Variants in CYP2C19 observed in about 807,000 individuals in gnomAD.
The protein encoded by CYP2C19 is cytochrome P450 family 2 subfamily C member 19.
In CYP2C19, 59 loss-of-function variants were observed where a neutral mutation model predicts 40.9. That is an observed-to-expected ratio of 1.44 (90% CI 1.17 to 1.79). The LOEUF (loss-of-function observed/expected upper bound fraction) is 1.79, where lower values mean the gene tolerates loss of function less well. Ranked by LOEUF, CYP2C19 falls within the 40% of genes most tolerant of loss-of-function variation. The pLI is 0.00. For missense variants in CYP2C19, 754 were observed against 596.9 expected, an observed-to-expected ratio of 1.26 and a Z score of -2.74; for synonymous variants, 253 against 208.7, an observed-to-expected ratio of 1.21 and a Z score of -1.83.
At chr10:94,829,506 A>C (rs369145528) in intron 6 of CYP2C19, among the ~76,000 whole-genome samples, 21 of 152,074 alleles carry the variant, frequency 1.4e-4, no homozygotes, top group African/African-American at 4.8e-4. Flanking sequence ...TCAGCTCCAT[A>C]AGCTCCTTTA....
Position 94,854,241 on chromosome 10 carries a change from A to T in CYP2C19, c.*1327A>T, listed in dbSNP as rs1482602752. 2.7e-5 allele frequency among the ~76,000 whole-genome samples: 4 copies of T among 149,370 alleles called. No homozygotes were observed. The highest frequency in any genetic ancestry group is 5.9e-5 in the Non-Finnish European group (4 of 67,336). ...ACTATGTGGGCCAGGCTAGTCTTGAACTCCTGACCTCAAGTGATCCACCCA... is the reference window on the plus strand; with the variant it reads ...ACTATGTGGGCCAGGCTAGTCTTGATCTCCTGACCTCAAGTGATCCACCCA... On this transcript the variant is annotated 3_prime_UTR_variant, in exon 9 of 9. Coordinates refer to ENST00000371321, the MANE Select transcript of CYP2C19 (RefSeq NM_000769.4).
At chr10:94,795,250 G>A (rs189396528) in intron 5 of CYP2C19, among the ~76,000 whole-genome samples, 25 of 146,528 alleles carry the variant, frequency 1.7e-4, no homozygotes, top group Non-Finnish European at 2.8e-4. Context: ...GAGAACATAC[G>A]GTGTTTGGTT....
At chr10:94,814,161 A>T (rs1251928558) in intron 5 of CYP2C19, among the ~76,000 whole-genome samples, 1 of 150,768 alleles carries the variant, frequency 6.6e-6, no homozygotes, top group Non-Finnish European at 1.5e-5. Context: ...CCTCAGTTGG[A>T]AATGCAGAAA....
intron 5 of CYP2C19, among the ~76,000 whole-genome samples, chr10:94,796,977 C>G (rs1014990294): frequency 2.0e-5 from 3 of 152,058 alleles, no homozygotes; most frequent in African/African-American, 7.2e-5. Flanking sequence ...ATTGATTACC[C>G]TTAATTTCTT....
chr10:94,791,300 G>A (rs1376149320), intron 5 of CYP2C19, among the ~76,000 whole-genome samples: 2 of 151,688 alleles, frequency 1.3e-5, no homozygotes, highest in African/African-American at 2.4e-5. Flanking sequence ...CAATTTTGTT[G>A]ATCTTTTCAA....
At chr10:94,807,342 C>T (rs1393695059) in intron 5 of CYP2C19, among the ~76,000 whole-genome samples, 1 of 151,988 alleles carries the variant, frequency 6.6e-6, no homozygotes, top group Non-Finnish European at 1.5e-5. Context: ...GTGAATAGTG[C>T]TTTAAGTAAA....
In CYP2C19 at chr10:94,811,303, A is replaced by G. The variant is rs564693178; in HGVS notation, c.820-9193A>G. ...GCTGATGGGTGTTTTACTTCCAATT[A>G]TGTGGTCAATTTTAGAATAAGTGTG... On this transcript the variant is annotated intron_variant, in intron 5 of 8. Coordinates refer to ENST00000371321, the MANE Select transcript of CYP2C19 (RefSeq NM_000769.4). Among the ~76,000 whole-genome samples the G allele has an allele frequency of 2.4e-4, 36 of 152,238 alleles. 1 individual carries two copies. Among genetic ancestry groups the G allele is most frequent in the Admixed American group, 1.6e-3 (25 of 15,290 alleles).
chr10:94,829,269 G>T (rs1226469795), intron 6 of CYP2C19, among the ~76,000 whole-genome samples: 1 of 152,166 alleles, frequency 6.6e-6, no homozygotes, highest in African/African-American at 2.4e-5. Context: ...TTTCCAACTT[G>T]TTTCCATTCT....
At chr10:94,769,837 C>T (rs1000026535) in intron 1 of CYP2C19, among the ~76,000 whole-genome samples, 13 of 152,086 alleles carry the variant, frequency 8.5e-5, no homozygotes, top group Non-Finnish European at 1.6e-4. Flanking sequence ...ATTCCCTCCT[C>T]AAGTAGGGGA....
At chr10:94,801,613 A>C (rs760124746) in intron 5 of CYP2C19, among the ~76,000 whole-genome samples, 1 of 152,156 alleles carries the variant, frequency 6.6e-6, no homozygotes, top group African/African-American at 2.4e-5. Flanking sequence ...AGGTCCACTT[A>C]GTCCAGAGCT....
chr10:94,843,159 G>A (rs768090430), intron 7 of CYP2C19, 135 bp downstream of exon 7: 55 of 1,062,932 alleles, frequency 5.2e-5, no homozygotes, highest in Non-Finnish European at 6.9e-5. Context: ...TGGACTTTCT[G>A]TTGATTCCAG....
chr10:94,852,755 G>A lies in CYP2C19; in HGVS notation c.1314G>A (p.Glu438=). 1.9e-6 allele frequency: 3 copies of A among 1,613,968 alleles called. No homozygotes were observed. Among genetic ancestry groups the A allele is most frequent in the Middle Eastern group, 1.7e-4 (1 of 6,018 alleles). ...FSAGKRICVG[E]GLARMELFLF... is the part of the protein sequence containing the mutation. ...CAGGAAAACGGATTTGTGTGGGAGA[G>A]GGCCTGGCCCGCATGGAGCTGTTTT... Residue 438 remains glutamate, a synonymous_variant, in exon 9 of 9, where the codon GAG becomes GAA. Coordinates refer to ENST00000371321, the MANE Select transcript of CYP2C19 (RefSeq NM_000769.4).
Position 94,855,208 on chromosome 10 carries a change from A to T in CYP2C19, c.*2294A>T, listed in dbSNP as rs1226372182. ...AGACCCTTGTGATTACATGAAACCCACCAGTGTAATCTCTTCATGTCCAGA... is the reference window on the plus strand; with the variant it reads ...AGACCCTTGTGATTACATGAAACCCTCCAGTGTAATCTCTTCATGTCCAGA... On this transcript the variant is annotated 3_prime_UTR_variant, in exon 9 of 9. Transcript: ENST00000371321. Among the ~76,000 whole-genome samples, 1 of 152,138 alleles carries T rather than the reference A, an allele frequency of 6.6e-6. No homozygotes were observed. The highest frequency in any genetic ancestry group is 1.5e-5 in the Non-Finnish European group (1 of 68,026).
chr10:94,806,863 A>G (rs370669200), intron 5 of CYP2C19, among the ~76,000 whole-genome samples: 1 of 151,878 alleles, frequency 6.6e-6, no homozygotes, highest in Non-Finnish European at 1.5e-5. Context: ...TAGCATATCT[A>G]TAACCTCAAG....
At chr10:94,769,459 T>G (rs1199538534) in intron 1 of CYP2C19, among the ~76,000 whole-genome samples, 1 of 152,150 alleles carries the variant, frequency 6.6e-6, no homozygotes, top group Non-Finnish European at 1.5e-5. Context: ...AAGGCATCCT[T>G]GAGGTCCAGA....
At chr10:94,818,690 TTGTC>T (rs1429747292) in intron 5 of CYP2C19, among the ~76,000 whole-genome samples, 1 of 146,394 alleles carries the variant, frequency 6.8e-6, no homozygotes, top group African/African-American at 2.5e-5. Context: ...GGCTCTCTGT[TTGTC>T]TGTTGTTGGT....
intron 6 of CYP2C19, among the ~76,000 whole-genome samples, chr10:94,842,111 G>A (rs1222376475): frequency 6.6e-6 from 1 of 152,160 alleles, no homozygotes; most frequent in Non-Finnish European, 1.5e-5. Flanking sequence ...AGCTATTATT[G>A]TATTGGGGCC....
Position 94,852,837 on chromosome 10 carries a change from G to A in CYP2C19, c.1396G>A (p.Asp466Asn), listed in dbSNP as rs201302485. 7 of 1,614,026 alleles carry A rather than the reference G, an allele frequency of 4.3e-6. No individual in the cohort carries two copies. The highest frequency in any genetic ancestry group is 5.9e-6 in the Non-Finnish European group (7 of 1,179,974). The change falls in exon 9 of 9, where the codon GAC (aspartate) becomes AAC (asparagine). Residue 466 changes from aspartate to asparagine, a missense_variant. Transcript: ENST00000371321. ...FNLKSLIDPK[D>N]LDTTPVVNGF... ...CCTGAAATCTCTGATTGACCCAAAG[G>A]ACCTTGACACAACTCCTGTTGTCAA... is the stretch of plus-strand genomic sequence containing the variant.
rs945712113 is a variant in CYP2C19, at chr10:94,780,524, C to A, written c.507C>A (p.Ile169=). ...TKASPCDPTF[I]LGCAPCNVIC... is the part of the protein sequence containing the mutation. ...CTTCACCCTGTGATCCCACTTTCATCCTGGGCTGTGCTCCCTGCAATGTGA... is the reference window on the plus strand; with the variant it reads ...CTTCACCCTGTGATCCCACTTTCATACTGGGCTGTGCTCCCTGCAATGTGA... The change falls in exon 4 of 9, where the codon ATC becomes ATA. Residue 169 remains isoleucine (I), a synonymous_variant. Transcript: ENST00000371321. 3.5e-5 allele frequency: 56 copies of A among 1,613,640 alleles called. No homozygotes were observed. The highest frequency in any genetic ancestry group is 4.6e-5 in the Non-Finnish European group (54 of 1,179,926).
Sources: allele counts gnomAD v4.1 joint callset (sites outside exome capture counted in the v4.1 genomes callset), GRCh38; gene constraint gnomAD v4.1.1; transcripts MANE v1.5; gene names NCBI Gene and HGNC (gene_info 2026-07-23, HGNC 2026-07-21).